Variants in SACM1L observed in about 807,000 individuals in gnomAD.
The protein encoded by SACM1L is phosphatidylinositol-3-phosphatase SAC1.
A neutral mutation model predicts 89.5 loss-of-function variants in SACM1L; 32 were observed. The observed-to-expected ratio is 0.36, with a 90% confidence interval of 0.27 to 0.48. SACM1L has a LOEUF of 0.48. SACM1L is among the 20% of genes least tolerant of loss of function. The pLI is 0.99. For missense variants in SACM1L, 543 were observed against 708.5 expected, an observed-to-expected ratio of 0.77 and a Z score of 2.65; for synonymous variants, 213 against 232.8, an observed-to-expected ratio of 0.92 and a Z score of 0.77.
At position 45,703,539 on chromosome 3, in the gene SACM1L, T is replaced by A; in HGVS notation, c.130+4T>A. 3 of 1,584,678 alleles carry A rather than the reference T, an allele frequency of 1.9e-6. No individual in the cohort carries two copies. The highest frequency in any genetic ancestry group is 2.6e-6 in the Non-Finnish European group (3 of 1,154,496). On this transcript the variant is annotated splice_donor_region_variant and intron_variant, in intron 2 of 19. Coordinates refer to ENST00000389061, the MANE Select transcript of SACM1L (RefSeq NM_014016.5). ...TCCACAGAGGTTACCCTTGCAGGTATTTTACAGCCAGATTTAGAAGTTTAG... is the reference window on the plus strand; with the variant it reads ...TCCACAGAGGTTACCCTTGCAGGTAATTTACAGCCAGATTTAGAAGTTTAG...
chr3:45,725,452 T>C (rs745657236), intron 11 of SACM1L, among the ~76,000 whole-genome samples: 1 of 152,162 alleles, frequency 6.6e-6, no homozygotes, highest in Non-Finnish European at 1.5e-5. Flanking sequence ...TTTTGTTTGT[T>C]TGTTTTTCGT....
chr3:45,689,576 G>A, intron 1 of SACM1L, 79 bp downstream of exon 1: 1 of 1,482,614 alleles, frequency 6.7e-7, no homozygotes, highest in Admixed American at 2.0e-5. Context: ...GAGGGCTTCT[G>A]AGTCCCGGAT....
At position 45,705,211 on chromosome 3, in the gene SACM1L, TAAGAGAA is replaced by T; in HGVS notation, c.205+5_205+11del. 1 of 1,589,252 alleles carries T rather than the reference TAAGAGAA, an allele frequency of 6.3e-7. No homozygotes were observed. The highest frequency in any genetic ancestry group is 8.6e-7 in the Non-Finnish European group (1 of 1,158,818). ...TGGGCACAATCCATCTGGTGGCAGG[TAAGAGAA>T]AATAAGCTAAGATGGGCAAAGAAGG... On this transcript the variant is annotated splice_donor_5th_base_variant and intron_variant, in intron 3 of 19. Transcript: ENST00000389061.
At chr3:45,711,257 A>G (rs1014102918) in intron 5 of SACM1L, among the ~76,000 whole-genome samples, 1 of 152,178 alleles carries the variant, frequency 6.6e-6, no homozygotes, top group Non-Finnish European at 1.5e-5. Flanking sequence ...GGTTCCAGGC[A>G]GAGGTGGTGG....
chr3:45,697,227 C>G (rs1357781596), intron 1 of SACM1L, among the ~76,000 whole-genome samples: 1 of 150,382 alleles, frequency 6.6e-6, no homozygotes, highest in Non-Finnish European at 1.5e-5. Context: ...GTCTCAAACT[C>G]CTGGCCTCAA....
Position 45,722,031 on chromosome 3 carries a change from T to G in SACM1L, c.711T>G (p.Phe237Leu), listed in dbSNP as rs746160918. ...ATTCGGAAGGCCATGCAGCTAACTT[T>G]GTAGAAACAGAACAAATTGTGCACT... ...GIDSEGHAANFVETEQIVHYN... is the reference protein window; with the variant it reads ...GIDSEGHAANLVETEQIVHYN... Residue 237 changes from phenylalanine to leucine, a missense_variant, in exon 9 of 20, where the codon TTT becomes TTG. This residue lies in a region of SACM1L where 370 missense variants were observed against 527.6 expected (regional missense o/e 0.70). Transcript: ENST00000389061. The G allele has an allele frequency of 1.1e-5, 18 of 1,612,898 alleles. No homozygotes were observed. Among genetic ancestry groups the G allele is most frequent in the Non-Finnish European group, 2.5e-6 (3 of 1,179,524 alleles).
chr3:45,710,767 A>G (rs1559541381), intron 5 of SACM1L, among the ~76,000 whole-genome samples: 1 of 152,130 alleles, frequency 6.6e-6, no homozygotes, highest in Admixed American at 6.6e-5. Context: ...CTAAATTAAT[A>G]TTTTAGTTGA....
In SACM1L at chr3:45,702,160, G is replaced by A. The variant is rs540541998; in HGVS notation, c.33-1278G>A. Among the ~76,000 whole-genome samples, 343 of 152,274 alleles carry A rather than the reference G, an allele frequency of 2.3e-3. 1 individual carries two copies. Among genetic ancestry groups the A allele is most frequent in the Non-Finnish European group, 4.1e-3 (278 of 68,024 alleles). On this transcript the variant is annotated intron_variant, in intron 1 of 19. Coordinates refer to ENST00000389061, the MANE Select transcript of SACM1L (RefSeq NM_014016.5). ...TTTAGTTAGTTACAGATGAACCATA[G>A]AAGGTTGTAAGTTATATTTGGGTAA... is the stretch of plus-strand genomic sequence containing the variant.
chr3:45,737,280 G>A (rs184119726), intron 14 of SACM1L: 103 of 323,772 alleles, frequency 3.2e-4, no homozygotes, highest in African/African-American at 1.5e-3. Context: ...AGGAAGTAGC[G>A]GCTGGAATCC....
At chr3:45,709,723 A>G in intron 5 of SACM1L, 76 bp downstream of exon 5, 1 of 1,339,070 alleles carries the variant, frequency 7.5e-7, no homozygotes, top group Non-Finnish European at 1.0e-6. Flanking sequence ...ATAAAAATTT[A>G]TATTGATTTT....
At chr3:45,699,300 TAAA>T (rs1369429358) in intron 1 of SACM1L, among the ~76,000 whole-genome samples, 1 of 150,392 alleles carries the variant, frequency 6.6e-6, no homozygotes, top group African/African-American at 2.4e-5. Context: ...AATAAATAAA[TAAA>T]AAAATAATAG....
chr3:45,732,017 CT>C, intron 12 of SACM1L, 35 bp from the exon 13 acceptor site: 1 of 1,235,198 alleles, frequency 8.1e-7, no homozygotes, highest in Non-Finnish European at 1.2e-6. Flanking sequence ...AATGAATGAT[CT>C]CTGGTCGGTT....
intron 11 of SACM1L, among the ~76,000 whole-genome samples, chr3:45,725,982 A>G (rs1045658012): frequency 2.6e-5 from 4 of 151,784 alleles, no homozygotes; most frequent in African/African-American, 7.3e-5. Flanking sequence ...CCTTCATTCT[A>G]CTAATGTGGT....
At chr3:45,731,906 G>A (rs13316262) in intron 12 of SACM1L, 147 bp from the exon 13 acceptor site, 1 of 559,616 alleles carries the variant, frequency 1.8e-6, no homozygotes, top group Non-Finnish European at 3.2e-6. Context: ...TATGTATAGT[G>A]ATAAACCCAG....
At chr3:45,733,169 G>C (rs1230649920) in intron 13 of SACM1L, among the ~76,000 whole-genome samples, 1 of 152,182 alleles carries the variant, frequency 6.6e-6, no homozygotes, top group African/African-American at 2.4e-5. Flanking sequence ...GTTGACTCCA[G>C]AGTTTGTGTT....
chr3:45,706,939 G>T (rs200444716), intron 4 of SACM1L, 32 bp downstream of exon 4: 1 of 1,605,418 alleles, frequency 6.2e-7, no homozygotes, highest in Non-Finnish European at 8.5e-7. Flanking sequence ...TAATTGCAGC[G>T]CCCAAAGAAG....
At chr3:45,724,617 C>T (rs936357243) in intron 11 of SACM1L, among the ~76,000 whole-genome samples, 1 of 151,918 alleles carries the variant, frequency 6.6e-6, no homozygotes, top group Non-Finnish European at 1.5e-5. Context: ...TTGACAATGT[C>T]CTTGGTATAC....
chr3:45,690,184 G>A (rs1697941001), intron 1 of SACM1L: 2 of 152,208 alleles, frequency 1.3e-5, no homozygotes, highest in Admixed American at 6.5e-5. Context: ...CAGAGGCTGT[G>A]GTTGTTAAGA....
At chr3:45,703,930 G>GT (rs1265136931) in intron 2 of SACM1L, among the ~76,000 whole-genome samples, 1 of 152,032 alleles carries the variant, frequency 6.6e-6, no homozygotes, top group African/African-American at 2.4e-5. Context: ...AGCTACTTTT[G>GT]TTTTGAAAGC....
Sources: allele counts gnomAD v4.1 joint callset (sites outside exome capture counted in the v4.1 genomes callset), GRCh38; gene constraint gnomAD v4.1.1; regional missense constraint gnomAD v4.1.1; transcripts MANE v1.5; gene names NCBI Gene and HGNC (gene_info 2026-07-23, HGNC 2026-07-21).